CMSS1: variants seen among roughly 807,000 people sequenced by gnomAD.
The protein encoded by CMSS1 is protein CMSS1.
CMSS1 carries 33 observed loss-of-function variants against 43.5 expected under a neutral mutation model. The ratio of observed to expected loss-of-function variants is 0.76; its 90% confidence interval spans 0.57 to 1.01. CMSS1 has a LOEUF of 1.01. Ranked by LOEUF, CMSS1 falls within the 50% of genes least tolerant of loss-of-function variation. The pLI, the probability that CMSS1 is intolerant of heterozygous loss-of-function variation, is 0.00. For missense variants in CMSS1, 313 were observed against 326.4 expected, an observed-to-expected ratio of 0.96 and a Z score of 0.32; for synonymous variants, 115 against 117.2, an observed-to-expected ratio of 0.98 and a Z score of 0.12.
At position 100,121,130 on chromosome 3, in the gene CMSS1, G is replaced by A. The variant is rs377498078; in HGVS notation, c.65-25843G>A. ...TTTAATTCTTTAAGTTCTGGGCTAC[G>A]TGTGCAGAACGTTCTGTTTTGTTAC... On this transcript the variant is annotated intron_variant, in intron 1 of 9. Transcript: ENST00000421999. Among the ~76,000 whole-genome samples, 14 of 152,062 alleles carry A rather than the reference G, an allele frequency of 9.2e-5. No individual in the cohort carries two copies. In the East Asian group the frequency reaches 1.7e-3, roughly 19 times the overall value.
chr3:100,143,967 A>G (rs1034245833), intron 1 of CMSS1, among the ~76,000 whole-genome samples: 4 of 152,030 alleles, frequency 2.6e-5, no homozygotes, highest in African/African-American at 9.7e-5. Context: ...ATTTGAAGTA[A>G]GTTTCTTATA....
intron 1 of CMSS1, among the ~76,000 whole-genome samples, chr3:99,876,882 GAAATT>G (rs1438798971): frequency 6.6e-6 from 1 of 152,098 alleles, no homozygotes; most frequent in Non-Finnish European, 1.5e-5. Flanking sequence ...AATTTTTAAA[GAAATT>G]AAATGTTTTG....
intron 1 of CMSS1, among the ~76,000 whole-genome samples, chr3:100,117,012 A>G (rs1164022054): frequency 6.6e-6 from 1 of 152,204 alleles, no homozygotes; most frequent in Non-Finnish European, 1.5e-5. Flanking sequence ...AGAAATCATC[A>G]TGCAATCTCT....
rs180957038 is a variant in CMSS1, at chr3:99,870,002, T to C, written c.64+51959T>C. Among the ~76,000 whole-genome samples, 3 of 152,312 alleles carry C rather than the reference T, an allele frequency of 2.0e-5. No individual in the cohort carries two copies. In the East Asian group the frequency reaches 5.8e-4, roughly 29 times the overall value. ...CTTTTCTCCATTTACATGTGGACTC[T>C]TTCCCTCAAATTACCCTCATTTTCT... On this transcript the variant is annotated intron_variant, in intron 1 of 9. Coordinates refer to ENST00000421999, the MANE Select transcript of CMSS1 (RefSeq NM_032359.4).
rs543932490 is a variant in CMSS1, at chr3:100,104,510, T to G, written c.65-42463T>G. 5.3e-5 allele frequency among the ~76,000 whole-genome samples: 8 copies of G among 152,306 alleles called. No homozygotes were observed. In the South Asian group the frequency reaches 1.4e-3, roughly 28 times the overall value. On this transcript the variant is annotated intron_variant, in intron 1 of 9. Coordinates refer to ENST00000421999, the MANE Select transcript of CMSS1 (RefSeq NM_032359.4). ...ACTGTTAGCAGTTCACAACTTTGTT[T>G]AAAGAACAATGGCTTGGAACATAGG...
At chr3:99,943,461 T>G (rs936734103) in intron 1 of CMSS1, among the ~76,000 whole-genome samples, 1 of 152,176 alleles carries the variant, frequency 6.6e-6, no homozygotes, top group Non-Finnish European at 1.5e-5. Flanking sequence ...CCCAAAACTT[T>G]GAGAGGCCAA....
chr3:100,005,086 C>T (rs929332411), intron 1 of CMSS1, among the ~76,000 whole-genome samples: 6 of 152,204 alleles, frequency 3.9e-5, no homozygotes, highest in Non-Finnish European at 8.8e-5. Flanking sequence ...AAAGGTTCAA[C>T]TCTTATGAAT....
intron 1 of CMSS1, among the ~76,000 whole-genome samples, chr3:99,959,484 A>G (rs1447965485): frequency 2.0e-5 from 3 of 152,170 alleles, no homozygotes; most frequent in South Asian, 4.1e-4. Flanking sequence ...TATTTTCTAT[A>G]TAAATATTAA....
intron 1 of CMSS1, among the ~76,000 whole-genome samples, chr3:99,920,489 T>A (rs1707091114): frequency 6.6e-6 from 1 of 152,220 alleles, no homozygotes; most frequent in Non-Finnish European, 1.5e-5. Flanking sequence ...GCCAAGTACA[T>A]AATTCAGGTC....
At chr3:100,025,672 A>C (rs980774046) in intron 1 of CMSS1, 1 of 152,202 alleles carries the variant, frequency 6.6e-6, no homozygotes, top group Non-Finnish European at 1.5e-5. Context: ...GGAGAAACAT[A>C]CCAGGTCGTC....
intron 1 of CMSS1, among the ~76,000 whole-genome samples, chr3:99,896,135 G>A (rs940646052): frequency 5.9e-5 from 9 of 152,160 alleles, no homozygotes; most frequent in Non-Finnish European, 1.2e-4. Flanking sequence ...GAAAACAGAA[G>A]TGTGAATAAC....
chr3:100,090,451 G>A (rs1002907135), intron 1 of CMSS1, among the ~76,000 whole-genome samples: 1 of 152,170 alleles, frequency 6.6e-6, no homozygotes, highest in African/African-American at 2.4e-5. Context: ...TTTAGAGAAA[G>A]CAATTCCACC....
chr3:99,887,804 G>A (rs1243386861), intron 1 of CMSS1, among the ~76,000 whole-genome samples: 2 of 152,060 alleles, frequency 1.3e-5, no homozygotes, highest in South Asian at 2.1e-4. Flanking sequence ...GCACAATCAC[G>A]GGTCACTGCA....
chr3:99,886,702 C>G (rs1443874034), intron 1 of CMSS1, among the ~76,000 whole-genome samples: 1 of 151,992 alleles, frequency 6.6e-6, no homozygotes, highest in Non-Finnish European at 1.5e-5. Flanking sequence ...GCCTGTAATC[C>G]CAGCACTTTG....
intron 1 of CMSS1, among the ~76,000 whole-genome samples, chr3:99,821,047 C>A (rs61148087): frequency 0.71 from 107,490 of 151,444 alleles, 38,407 homozygotes; most frequent in East Asian, 0.81. Context: ...TGGTTTATAA[C>A]ATCTATCTAA....
At chr3:99,953,943 C>G (rs963370468) in intron 1 of CMSS1, among the ~76,000 whole-genome samples, 3 of 152,184 alleles carry the variant, frequency 2.0e-5, no homozygotes, top group African/African-American at 7.2e-5. Context: ...CCTCTCTTCC[C>G]ACATTGTAAG....
intron 1 of CMSS1, among the ~76,000 whole-genome samples, chr3:100,139,575 A>G (rs1195955437): frequency 1.4e-5 from 2 of 144,366 alleles, no homozygotes; most frequent in Admixed American, 1.4e-4. Flanking sequence ...GTATGTATAT[A>G]TATGTGTATA....
intron 1 of CMSS1, among the ~76,000 whole-genome samples, chr3:99,996,042 C>G (rs1344900222): frequency 6.6e-6 from 1 of 152,224 alleles, no homozygotes; most frequent in African/African-American, 2.4e-5. Flanking sequence ...TGAATTCCGC[C>G]TCAGAAAATG....
intron 1 of CMSS1, among the ~76,000 whole-genome samples, chr3:100,116,906 A>T (rs1043350891): frequency 5.3e-5 from 8 of 152,194 alleles, no homozygotes; most frequent in African/African-American, 1.7e-4. Flanking sequence ...AGTAGTCAAA[A>T]TTTTTTAAAT....
Sources: gnomAD v4.1 joint callset for allele counts (sites outside exome capture counted in the v4.1 genomes callset) on GRCh38, gnomAD v4.1.1 for gene constraint, MANE v1.5 for transcripts, NCBI Gene and HGNC (gene_info 2026-07-23, HGNC 2026-07-21) for gene names.